Variants in KLF8 observed in about 807,000 individuals in gnomAD.
KLF8 encodes Krueppel-like factor 8.
A neutral mutation model predicts 18.2 loss-of-function variants in KLF8; 10 were observed. That is an observed-to-expected ratio of 0.55 (90% CI 0.34 to 0.93). KLF8 has a LOEUF of 0.93. Among genes scored for constraint, KLF8 ranks in the 40% least tolerant of loss-of-function variants. The pLI is 0.02. For missense variants in KLF8, 264 were observed against 277.9 expected (o/e 0.95, Z 0.36); for synonymous variants, 109 against 97.3 (o/e 1.12, Z -0.71).
chrX:56,049,449 C>G, the KLF8 span, among the ~76,000 whole-genome samples: 1 of 110,249 alleles, frequency 9.1e-6, no homozygotes, highest in African/African-American at 3.3e-5. Context: ...CCATCAATAC[C>G]TAATCTATTG....
At chrX:56,032,375 C>G in the KLF8 span, among the ~76,000 whole-genome samples, 2 of 110,921 alleles carry the variant, frequency 1.8e-5, no homozygotes, top group Non-Finnish European at 3.8e-5. Flanking sequence ...CTTTTTACAT[C>G]TACAGTTCTT....
the KLF8 span, among the ~76,000 whole-genome samples, chrX:56,196,896 T>G: frequency 4.0e-3 from 444 of 111,478 alleles, no homozygotes; most frequent in African/African-American, 0.014. Flanking sequence ...ACAAACTATC[T>G]CTCAGAGCAC....
the KLF8 span, among the ~76,000 whole-genome samples, chrX:56,131,932 C>T: frequency 9.0e-6 from 1 of 111,685 alleles, no homozygotes; most frequent in African/African-American, 3.2e-5. Flanking sequence ...GTCCAACAGG[C>T]AAATATCGCA....
At chrX:56,202,230 G>A in the KLF8 span, among the ~76,000 whole-genome samples, 4 of 109,659 alleles carry the variant, frequency 3.6e-5, no homozygotes, top group African/African-American at 1.3e-4. Flanking sequence ...GCATGACTAA[G>A]TCTTTTGATC....
chrX:56,284,446 T>G lies in KLF8; in HGVS notation c.1032T>G (p.Ser344=). The change falls in exon 6 of 6, where the codon TCT becomes TCG. Residue 344 remains serine (S), a synonymous_variant. Transcript: ENST00000468660. ...GCACAGACTGCAACCGCAGCTTTTC[T>G]CGTTCTGACCACCTGTCCCTGCATC... ...FRCTDCNRSF[S]RSDHLSLHRR... is the part of the protein sequence containing the mutation. 8.3e-7 allele frequency: 1 copy of G among 1,207,156 alleles called. No homozygotes were observed. The highest frequency in any genetic ancestry group is 1.1e-6 in the Non-Finnish European group (1 of 893,608).
the KLF8 span, among the ~76,000 whole-genome samples, chrX:56,128,727 T>A: frequency 9.0e-6 from 1 of 111,715 alleles, no homozygotes. Context: ...ACTGAGTCAG[T>A]TTTCTAACAC....
At chrX:56,060,622 A>T in the KLF8 span, among the ~76,000 whole-genome samples, 2 of 111,878 alleles carry the variant, frequency 1.8e-5, no homozygotes, top group Non-Finnish European at 3.8e-5. Flanking sequence ...ATCGATGTTC[A>T]TCAGGGATAT....
At chrX:56,213,309 CTTTTCTT>C in the KLF8 span, among the ~76,000 whole-genome samples, 44 of 23,456 alleles carry the variant, frequency 1.9e-3, no homozygotes, top group African/African-American at 8.7e-3. Flanking sequence ...CTTTTCTTTT[CTTTTCTT>C]TTTTTTTTTT....
chrX:55,955,742 G>T, the KLF8 span, among the ~76,000 whole-genome samples: 1 of 111,565 alleles, frequency 9.0e-6, no homozygotes, highest in Non-Finnish European at 1.9e-5. Context: ...TGAAGACAGG[G>T]ACAGAGTCTT....
At chrX:55,936,400 G>A in the KLF8 span, among the ~76,000 whole-genome samples, 1 of 112,568 alleles carries the variant, frequency 8.9e-6, no homozygotes, top group African/African-American at 3.2e-5. Flanking sequence ...TCGAGGTGGA[G>A]CCAAGATGGC....
At chrX:55,961,469 C>CA in the KLF8 span, 8 of 548,182 alleles carry the variant, frequency 1.5e-5, no homozygotes, top group African/African-American at 1.6e-4. Flanking sequence ...CAGATTGCCA[C>CA]AAAAAATTTG....
At chrX:56,002,638 A>G in the KLF8 span, among the ~76,000 whole-genome samples, 1 of 112,246 alleles carries the variant, frequency 8.9e-6, no homozygotes, top group South Asian at 3.6e-4. Flanking sequence ...TAGTCACTCA[A>G]TGAATATTTG....
chrX:56,283,845 A>C (rs1337312213), intron 5 of KLF8, among the ~76,000 whole-genome samples: 2 of 112,135 alleles, frequency 1.8e-5, no homozygotes, highest in Non-Finnish European at 3.8e-5. Flanking sequence ...GAAAACAGAG[A>C]CCAAGCCAGG....
the KLF8 span, among the ~76,000 whole-genome samples, chrX:56,185,219 TG>T: frequency 9.0e-6 from 1 of 111,631 alleles, no homozygotes; most frequent in African/African-American, 3.3e-5. Flanking sequence ...GAGAACTACG[TG>T]AAGAATGCAG....
At chrX:56,253,467 A>T (rs1158341803) in intron 2 of KLF8, among the ~76,000 whole-genome samples, 1 of 111,902 alleles carries the variant, frequency 8.9e-6, no homozygotes, top group Non-Finnish European at 1.9e-5. Context: ...TGAAGAGACC[A>T]CGCATTCCCC....
At chrX:56,123,243 AAAAGAAAGAAAAAGAAAG>A in the KLF8 span, among the ~76,000 whole-genome samples, 12 of 94,189 alleles carry the variant, frequency 1.3e-4, no homozygotes, top group East Asian at 2.2e-3. Context: ...CAAAAATAAA[AAAAGAAAGAAAAAGAAAG>A]AAAGAAAGAA....
At chrX:55,999,009 A>T in the KLF8 span, among the ~76,000 whole-genome samples, 1 of 109,407 alleles carries the variant, frequency 9.1e-6, no homozygotes, top group Non-Finnish European at 1.9e-5. Flanking sequence ...TCTTGAGTTA[A>T]TTTTTGTATA....
At chrX:56,175,794 C>T in the KLF8 span, among the ~76,000 whole-genome samples, 6 of 111,498 alleles carry the variant, frequency 5.4e-5, no homozygotes, top group Admixed American at 2.9e-4. Flanking sequence ...GTATTGGGTG[C>T]ATATATATTT....
At chrX:56,021,374 G>C in the KLF8 span, among the ~76,000 whole-genome samples, 1 of 111,379 alleles carries the variant, frequency 9.0e-6, no homozygotes, top group African/African-American at 3.3e-5. Flanking sequence ...TTTGGGTCAT[G>C]TTCAGTTTTT....
Sources: gnomAD v4.1 joint callset for allele counts (sites outside exome capture counted in the v4.1 genomes callset) on GRCh38, gnomAD v4.1.1 for gene constraint, MANE v1.5 for transcripts, NCBI Gene and HGNC (gene_info 2026-07-23, HGNC 2026-07-21) for gene names.